EFCAB5: variants seen among roughly 807,000 people sequenced by gnomAD.
EFCAB5 encodes EF-hand calcium-binding domain-containing protein 5.
A neutral mutation model predicts 167.9 loss-of-function variants in EFCAB5; 131 were observed. The observed-to-expected ratio is 0.78, with a 90% confidence interval of 0.68 to 0.90. The LOEUF is 0.90. Ranked by LOEUF, EFCAB5 falls within the 40% of genes least tolerant of loss-of-function variation. The pLI is 0.00. For synonymous variants in EFCAB5, 574 were observed against 602.8 expected (o/e 0.95, Z 0.70); for missense variants, 1,663 against 1,745.2 (o/e 0.95, Z 0.84).
chr17:30,049,506 C>CA lies in EFCAB5; in HGVS notation c.1201-1602dup, dbSNP rs374123440. 3.3e-3 allele frequency among the ~76,000 whole-genome samples: 456 copies of CA among 139,334 alleles called. 1 individual carries two copies. The highest frequency in any genetic ancestry group is 0.015 in the South Asian group (66 of 4,422). 91.4% of individuals were successfully genotyped at this position (139,334 alleles called of 152,430 possible). On this transcript the variant is annotated intron_variant, in intron 8 of 22. Transcript: ENST00000394835. ...AAACAAAAACAAAAACAAAAACAAACAAAAAAAAAACAAAAGAAATAGGCA... is the reference window on the plus strand; with the variant it reads ...AAACAAAAACAAAAACAAAAACAAACAAAAAAAAAAACAAAAGAAATAGGCA...
chr17:29,957,575 C>A (rs952244971), intron 3 of EFCAB5, among the ~76,000 whole-genome samples: 1 of 152,052 alleles, frequency 6.6e-6, no homozygotes, highest in South Asian at 2.1e-4. Context: ...TGAGAACATG[C>A]GGTGTTTGGT....
chr17:29,941,679 A>G lies in EFCAB5; in HGVS notation c.-118A>G. ...GGTGAGGTGAGGGCAGGAGTGAGGG[A>G]GCTTTTTTAACTTCTGGAGTACTTT... On this transcript the variant is annotated 5_prime_UTR_variant, in exon 1 of 23. Transcript: ENST00000394835. 1.2e-6 allele frequency: 1 copy of G among 820,620 alleles called. No individual in the cohort carries two copies. Among genetic ancestry groups the G allele is most frequent in the Non-Finnish European group, 1.9e-6 (1 of 522,810 alleles). The allele number at this position is 820,620 out of a possible 1,614,324, so 50.8% of individuals were successfully genotyped here. A position where few individuals can be genotyped will look rare whatever the true frequency, so the allele number is the denominator to read the frequency against.
intron 7 of EFCAB5, among the ~76,000 whole-genome samples, chr17:30,032,267 T>A (rs2069498519): frequency 6.6e-6 from 1 of 152,152 alleles, no homozygotes; most frequent in Non-Finnish European, 1.5e-5. Context: ...GTTAAGACTG[T>A]TTCTCTCTGC....
intron 5 of EFCAB5, among the ~76,000 whole-genome samples, chr17:29,994,702 C>T (rs536710570): frequency 3.3e-5 from 5 of 152,262 alleles, no homozygotes; most frequent in Admixed American, 2.0e-4. Context: ...CTTGTGCCCA[C>T]GAGTGCAAGA....
intron 1 of EFCAB5, among the ~76,000 whole-genome samples, chr17:29,932,647 G>A (rs903429515): frequency 2.0e-5 from 3 of 151,760 alleles, no homozygotes; most frequent in Non-Finnish European, 4.4e-5. Flanking sequence ...AGTAGATATG[G>A]GGGTTTCACC....
At chr17:29,973,770 C>G (rs1051689424) in intron 4 of EFCAB5, among the ~76,000 whole-genome samples, 2 of 151,978 alleles carry the variant, frequency 1.3e-5, no homozygotes, top group Non-Finnish European at 1.5e-5. Flanking sequence ...GCCACCGCGC[C>G]TGGCCTGTAT....
chr17:30,090,548 G>A lies in EFCAB5; in HGVS notation c.3811G>A (p.Gly1271Ser), dbSNP rs140949092. ...TCTGGGAGTCCTCGATTTTAACATC[G>A]GCCAAAATAGGATGTTGTTGTGTCA... ...EALGVLDFNI[G>S]QNRMLLCQEY... The change falls in exon 20 of 23, where the codon GGC becomes AGC. Residue 1271 changes from glycine to serine, a missense_variant. By Grantham distance (56) the Gly-to-Ser change is moderately conservative. Transcript: ENST00000394835. 9.7e-4 allele frequency: 1,561 copies of A among 1,613,862 alleles called. 4 individuals carry two copies. Among genetic ancestry groups the A allele is most frequent in the African/African-American group, 6.4e-3 (478 of 75,004 alleles).
intron 18 of EFCAB5, among the ~76,000 whole-genome samples, chr17:30,083,988 C>A (rs2097234095): frequency 6.6e-6 from 1 of 152,124 alleles, no homozygotes; most frequent in South Asian, 2.1e-4. Context: ...TAGGATTTTG[C>A]ATATGATGAG....
At chr17:30,025,697 C>T (rs1226108624) in intron 7 of EFCAB5, among the ~76,000 whole-genome samples, 1 of 152,140 alleles carries the variant, frequency 6.6e-6, no homozygotes, top group Non-Finnish European at 1.5e-5. Flanking sequence ...ATAAATCATG[C>T]TGCTATAAAG....
At chr17:29,956,062 G>C (rs2067608855) in intron 3 of EFCAB5, among the ~76,000 whole-genome samples, 1 of 152,140 alleles carries the variant, frequency 6.6e-6, no homozygotes, top group African/African-American at 2.4e-5. Flanking sequence ...ACAAACAATG[G>C]GGACAGAGCT....
At chr17:30,002,524 T>C (rs1346249130) in intron 7 of EFCAB5, among the ~76,000 whole-genome samples, 1 of 152,224 alleles carries the variant, frequency 6.6e-6, no homozygotes, top group South Asian at 2.1e-4. Context: ...AATTAAAACA[T>C]CATTGTCTGA....
At chr17:30,059,863 T>C (rs1246820453) in intron 14 of EFCAB5, 162 bp downstream of exon 14, 1 of 499,768 alleles carries the variant, frequency 2.0e-6, no homozygotes, top group Non-Finnish European at 3.0e-6. Context: ...TTTTAATTTC[T>C]AAAAATAGAG....
At chr17:30,107,752 A>T in intron 22 of EFCAB5, 82 bp from the exon 23 acceptor site, 1 of 1,198,448 alleles carries the variant, frequency 8.3e-7, no homozygotes. Flanking sequence ...AATGAACTTT[A>T]ATCATAATAT....
chr17:30,093,041 G>A (rs2071231221), intron 22 of EFCAB5, 105 bp downstream of exon 22: 1 of 768,738 alleles, frequency 1.3e-6, no homozygotes, highest in Non-Finnish European at 2.0e-6. Flanking sequence ...CAGTTTTTAG[G>A]AGAAAATAGT....
intron 8 of EFCAB5, among the ~76,000 whole-genome samples, chr17:30,047,056 A>G (rs1325342896): frequency 1.3e-5 from 2 of 152,222 alleles, no homozygotes; most frequent in African/African-American, 4.8e-5. Flanking sequence ...CCTCAAATTT[A>G]TCAGTATTGC....
At chr17:30,069,398 G>A (rs2070668069) in intron 14 of EFCAB5, 1 of 1,542,290 alleles carries the variant, frequency 6.5e-7, no homozygotes, top group Non-Finnish European at 9.0e-7. Flanking sequence ...GCAGATCAAA[G>A]GGAGAGTGGT....
chr17:30,076,683 C>G (rs1438219082), intron 14 of EFCAB5, among the ~76,000 whole-genome samples: 2 of 152,236 alleles, frequency 1.3e-5, no homozygotes, highest in East Asian at 3.8e-4. Context: ...GGGAAGGGTA[C>G]ATACCCTGTG....
chr17:30,017,643 A>T (rs2151698590), intron 7 of EFCAB5, among the ~76,000 whole-genome samples: 1 of 152,322 alleles, frequency 6.6e-6, no homozygotes, highest in Non-Finnish European at 1.5e-5. Flanking sequence ...ACATATCTGT[A>T]TATCTCTATA....
intron 3 of EFCAB5, among the ~76,000 whole-genome samples, chr17:29,956,044 T>A (rs1226950739): frequency 1.3e-5 from 2 of 152,148 alleles, no homozygotes; most frequent in Non-Finnish European, 2.9e-5. Context: ...TTGACAAAGC[T>A]GACAAAAACA....
Sources: allele counts gnomAD v4.1 joint callset (sites outside exome capture counted in the v4.1 genomes callset), GRCh38; gene constraint gnomAD v4.1.1; transcripts MANE v1.5; gene names NCBI Gene and HGNC (gene_info 2026-07-23, HGNC 2026-07-21).